AGBL1: variants seen among roughly 807,000 people sequenced by gnomAD.
The protein encoded by AGBL1 is AGBL carboxypeptidase 1, also known as cytosolic carboxypeptidase 4.
In AGBL1, 130 loss-of-function variants were observed where a neutral mutation model predicts 118.9. The observed-to-expected ratio is 1.09, with a 90% CI of 0.95 to 1.26. AGBL1 has a LOEUF of 1.26. Among genes scored for constraint, AGBL1 ranks in the 50% most tolerant of loss-of-function variants. The pLI is 0.00. For synonymous variants in AGBL1, 555 were observed against 478.9 expected (o/e 1.16, Z -2.08); for missense variants, 1,584 against 1,298.1 (o/e 1.22, Z -3.38).
intron 22 of AGBL1, among the ~76,000 whole-genome samples, chr15:86,900,565 T>G (rs1429076228): frequency 6.6e-6 from 1 of 152,148 alleles, no homozygotes; most frequent in Non-Finnish European, 1.5e-5. Flanking sequence ...ATTTCTAACT[T>G]CAGTGTAATT....
chr15:86,914,176 A>G lies in AGBL1; in HGVS notation c.*6882A>G, dbSNP rs759462938. On this transcript the variant is annotated 3_prime_UTR_variant, in exon 23 of 23. Coordinates refer to ENST00000614907, the MANE Select transcript of AGBL1 (RefSeq NM_001386094.1). Reference sequence around the variant, plus strand: ...AGAGAAGCCGACAGGTCTGCCATCCAAACATCCAGGGTATGGGGGTTAAAT... The same window carrying G: ...AGAGAAGCCGACAGGTCTGCCATCCGAACATCCAGGGTATGGGGGTTAAAT... The G allele has an allele frequency of 2.6e-5, 4 of 152,224 alleles. No homozygotes were observed. Among genetic ancestry groups the G allele is most frequent in the Non-Finnish European group, 5.9e-5 (4 of 68,086 alleles). 9.4% of individuals were successfully genotyped at this position (152,224 alleles called of 1,614,324 possible).
intron 22 of AGBL1, among the ~76,000 whole-genome samples, chr15:86,780,571 G>A (rs2078321551): frequency 6.6e-6 from 1 of 152,038 alleles, no homozygotes; most frequent in South Asian, 2.1e-4. Context: ...GATCAATTTG[G>A]GGGAAGATTT....
chr15:86,500,942 T>A lies in AGBL1; in HGVS notation c.2556-21868T>A, dbSNP rs753120983. Among the ~76,000 whole-genome samples the A allele has an allele frequency of 3.3e-5, 5 of 151,818 alleles. No homozygotes were observed. In the South Asian group the frequency reaches 1.0e-3, roughly 31 times the overall value. ...GTTTCCTCTTTCTGACTGATAGGAG[T>A]AATGCTGCTATAAACATCCATGTGC... On this transcript the variant is annotated intron_variant, in intron 18 of 22. Coordinates refer to ENST00000614907, the MANE Select transcript of AGBL1 (RefSeq NM_001386094.1).
At chr15:86,743,878 C>A (rs56735137) in intron 22 of AGBL1, among the ~76,000 whole-genome samples, 3,142 of 151,432 alleles carry the variant, frequency 0.021, 115 homozygotes, top group African/African-American at 0.067. Flanking sequence ...TCCCCCGCAA[C>A]ACACACACGT....
At chr15:86,887,874 AG>A (rs962025097) in intron 22 of AGBL1, among the ~76,000 whole-genome samples, 1 of 152,170 alleles carries the variant, frequency 6.6e-6, no homozygotes, top group Non-Finnish European at 1.5e-5. Context: ...TCCTTGGATA[AG>A]GGGGTCACTA....
At chr15:86,393,904 G>A (rs551430871) in intron 17 of AGBL1, among the ~76,000 whole-genome samples, 6 of 152,156 alleles carry the variant, frequency 3.9e-5, no homozygotes, top group South Asian at 2.1e-4. Flanking sequence ...AGAGGCTTGC[G>A]GGAACTCAGT....
intron 5 of AGBL1, among the ~76,000 whole-genome samples, chr15:86,161,118 G>A (rs1597476368): frequency 6.6e-6 from 1 of 152,156 alleles, no homozygotes; most frequent in Admixed American, 6.5e-5. Context: ...TGAGAGTAGG[G>A]TGCTCCCAAT....
At chr15:86,143,322 T>A (rs1390505751) in intron 2 of AGBL1, among the ~76,000 whole-genome samples, 1 of 152,226 alleles carries the variant, frequency 6.6e-6, no homozygotes, top group African/African-American at 2.4e-5. Flanking sequence ...TTCAAATGTA[T>A]AGCAGAGGGA....
intron 23 of AGBL1, among the ~76,000 whole-genome samples, chr15:86,974,432 A>AAATATAAACATATTTTATATATTG (rs1255052106): frequency 0.031 from 3,214 of 104,984 alleles, 77 homozygotes; most frequent in East Asian, 0.1. Flanking sequence ...TTTATATATT[A>AAATATAAACATATTTTATATATTG]AATATAAACA....
chr15:86,560,373 A>C (rs2083799225), intron 21 of AGBL1, among the ~76,000 whole-genome samples: 2 of 143,722 alleles, frequency 1.4e-5, no homozygotes. Flanking sequence ...CCCATCTATG[A>C]GTGAGAACTT....
intron 18 of AGBL1, among the ~76,000 whole-genome samples, chr15:86,516,135 T>G (rs563346935): frequency 1.3e-5 from 2 of 152,168 alleles, no homozygotes; most frequent in South Asian, 4.1e-4. Flanking sequence ...TATGCCTGAG[T>G]CTGGCTTAGT....
chr15:86,567,541 T>C (rs1357489597), intron 21 of AGBL1, among the ~76,000 whole-genome samples: 1 of 152,196 alleles, frequency 6.6e-6, no homozygotes, highest in African/African-American at 2.4e-5. Context: ...TCTCCAAGAT[T>C]GCTGAATTTA....
intron 8 of AGBL1, 21 bp from the exon 9 acceptor site, chr15:86,257,943 C>T: frequency 6.2e-7 from 1 of 1,610,944 alleles, no homozygotes; most frequent in Non-Finnish European, 8.5e-7. Context: ...TCACTTATTT[C>T]ACCTCTTTTT....
At chr15:86,625,388 T>G (rs867891552) in intron 21 of AGBL1, among the ~76,000 whole-genome samples, 1,929 of 96,856 alleles carry the variant, frequency 0.02, 68 homozygotes, top group African/African-American at 0.064. Flanking sequence ...TGTTTTTGTT[T>G]TTTTTTTTTT....
chr15:86,136,123 C>T (rs1017657984), intron 1 of AGBL1, among the ~76,000 whole-genome samples: 3 of 152,106 alleles, frequency 2.0e-5, no homozygotes, highest in Admixed American at 6.5e-5. Context: ...ACTCAGTGAC[C>T]TCAGTTAATA....
rs561850334 is a variant in AGBL1 at position 86,371,066 on chromosome 15, G to C, written c.2375-26300G>C. Among the ~76,000 whole-genome samples, 100 of 152,340 alleles carry C rather than the reference G, an allele frequency of 6.6e-4. 2 individuals are homozygous for C. The South Asian group carries it at 0.019, about 29-fold the overall frequency. On this transcript the variant is annotated intron_variant, in intron 17 of 22. Transcript: ENST00000614907. Reference sequence around the variant, plus strand: ...GTTAAGATCACTTAGGCATTGACTGGTGTGAGCAAAGAAAGCCCAGGTTCA... The same window carrying C: ...GTTAAGATCACTTAGGCATTGACTGCTGTGAGCAAAGAAAGCCCAGGTTCA...
rs192896243 is a variant in AGBL1, at chr15:87,017,304, G to A, written c.3324-11521G>A. On this transcript the variant is annotated intron_variant, in intron 24 of 24. Coordinates refer to the AGBL1 transcript ENST00000441037. ...AAAACCAGACTGCTTCTTGGAGCAG[G>A]TCCCTGATACCATTCTTCCAGATTG... is the stretch of plus-strand genomic sequence containing the variant. Among the ~76,000 whole-genome samples the A allele has an allele frequency of 1.5e-4, 23 of 152,218 alleles. No homozygotes were observed. In the East Asian group the frequency reaches 3.9e-3, roughly 26 times the overall value.
At chr15:86,979,433 A>C (rs909377567) in intron 23 of AGBL1, among the ~76,000 whole-genome samples, 5 of 152,174 alleles carry the variant, frequency 3.3e-5, no homozygotes, top group Non-Finnish European at 4.4e-5. Context: ...TTGAAAACAC[A>C]CAGGTAAGTG....
intron 23 of AGBL1, among the ~76,000 whole-genome samples, chr15:86,924,602 CTA>C (rs1442290442): frequency 6.6e-6 from 1 of 152,136 alleles, no homozygotes; most frequent in African/African-American, 2.4e-5. Context: ...GCTCTGAAAC[CTA>C]TAATCTTTCA....
Sources: gnomAD v4.1 joint callset for allele counts (sites outside exome capture counted in the v4.1 genomes callset) on GRCh38, gnomAD v4.1.1 for gene constraint, MANE v1.5 for transcripts, NCBI Gene and HGNC (gene_info 2026-07-23, HGNC 2026-07-21) for gene names.